VWF: variants seen among roughly 807,000 people sequenced by gnomAD.
The protein encoded by VWF is von Willebrand factor.
Under a neutral mutation model 308.6 loss-of-function variants are expected in VWF, and 176 were observed. That is an observed-to-expected ratio of 0.57 (90% CI 0.50 to 0.65). The LOEUF (loss-of-function observed/expected upper bound fraction) is 0.65, where lower values mean the gene tolerates loss of function less well. Among genes scored for constraint, VWF ranks in the 30% least tolerant of loss-of-function variants. The probability of loss-of-function intolerance (pLI) is 0.00; values close to 1 mark genes in which losing one functional copy is unlikely to be tolerated. For synonymous variants in VWF, 1,385 were observed against 1,443.4 expected (o/e 0.96, Z 0.92); for missense variants, 3,146 against 3,648.2 (o/e 0.86, Z 3.55).
intron 3 of VWF, among the ~76,000 whole-genome samples, chr12:6,114,311 G>C (rs919223621): frequency 1.3e-5 from 2 of 152,196 alleles, no homozygotes; most frequent in East Asian, 1.9e-4. Flanking sequence ...ACAGCTCTTA[G>C]AGGCTTCCAA....
At position 6,052,717 on chromosome 12, in the gene VWF, G is replaced by C. The variant is rs1339589150; in HGVS notation, c.2012C>G (p.Ser671Cys). The change falls in exon 16 of 52, where the codon TCT (serine) becomes TGT (cysteine). Residue 671 changes from serine to cysteine, a missense_variant. Physicochemically the swap from Ser to Cys is moderately radical, Grantham distance 112. This residue lies in a region of VWF where 1,304 missense variants were observed against 1,353.0 expected (regional missense o/e 0.96). Transcript: ENST00000261405. ...GCATTCCTCATCCGGGTAAGAGAGA[G>C]AGCGGCAGGTCAGGTTGCAGGGGGT... ...CGTPCNLTCR[S>C]LSYPDEECNE... is the part of the protein sequence containing the mutation. The C allele has an allele frequency of 5.6e-6, 9 of 1,614,090 alleles. No homozygotes were observed. Among genetic ancestry groups the C allele is most frequent in the South Asian group, 1.1e-5 (1 of 91,090 alleles).
intron 34 of VWF, among the ~76,000 whole-genome samples, chr12:6,001,594 G>C (rs1206895498): frequency 6.6e-6 from 1 of 152,140 alleles, no homozygotes; most frequent in Non-Finnish European, 1.5e-5. Context: ...CATCTTCATA[G>C]AGCAAAAACT....
chr12:6,025,489 T>G (rs1459613146), intron 24 of VWF, 91 bp downstream of exon 24: 33 of 1,004,882 alleles, frequency 3.3e-5, no homozygotes, highest in Non-Finnish European at 5.0e-5. Flanking sequence ...GACACGAGGG[T>G]AGTGTCCACG....
chr12:6,113,807 G>A (rs140601481), intron 3 of VWF, among the ~76,000 whole-genome samples: 2 of 152,224 alleles, frequency 1.3e-5, no homozygotes, highest in Non-Finnish European at 2.9e-5. Context: ...CTGGGCCCAA[G>A]ACCAAATCCC....
intron 35 of VWF, among the ~76,000 whole-genome samples, chr12:5,995,444 C>A (rs1943798020): frequency 6.6e-6 from 1 of 152,120 alleles, no homozygotes; most frequent in African/African-American, 2.4e-5. Flanking sequence ...ATCTAGCTTA[C>A]AAGTTGTTTT....
intron 34 of VWF, among the ~76,000 whole-genome samples, chr12:6,008,047 A>C (rs1200500315): frequency 6.6e-6 from 1 of 152,216 alleles, no homozygotes; most frequent in Non-Finnish European, 1.5e-5. Flanking sequence ...TGAAATTAGT[A>C]ATCATAATCT....
At chr12:6,105,987 A>G (rs1007455811) in intron 5 of VWF, among the ~76,000 whole-genome samples, 2 of 152,162 alleles carry the variant, frequency 1.3e-5, no homozygotes, top group African/African-American at 4.8e-5. Flanking sequence ...AGGTTGCAGT[A>G]AGCCGAGATC....
At chr12:6,039,347 A>G (rs1319388574) in intron 18 of VWF, among the ~76,000 whole-genome samples, 1 of 152,132 alleles carries the variant, frequency 6.6e-6, no homozygotes, top group Admixed American at 6.5e-5. Context: ...TGGTCTTGTT[A>G]CCTTTCTCTG....
chr12:6,110,671 G>A (rs1389269535), intron 4 of VWF, 89 bp from the exon 5 acceptor site: 3 of 1,469,126 alleles, frequency 2.0e-6, no homozygotes, highest in Non-Finnish European at 1.9e-6. Context: ...CCATGTTGTA[G>A]GGTTCAGAAC....
chr12:6,056,488 CG>C (rs1944580100), intron 15 of VWF, among the ~76,000 whole-genome samples: 1 of 152,172 alleles, frequency 6.6e-6, no homozygotes, highest in Non-Finnish European at 1.5e-5. Flanking sequence ...TTAAGGGAGG[CG>C]GAGACCCAGT....
At chr12:5,949,564 A>G in intron 51 of VWF, among the ~76,000 whole-genome samples, 1 of 152,170 alleles carries the variant, frequency 6.6e-6, no homozygotes, top group Non-Finnish European at 1.5e-5. Flanking sequence ...CATTTTCTGT[A>G]AAGGATTTGC....
At chr12:6,092,622 T>TGAGAGTGAGAGAGAGAGAGAGAGAGTGA (rs1403649370) in intron 6 of VWF, among the ~76,000 whole-genome samples, 1 of 91,492 alleles carries the variant, frequency 1.1e-5, no homozygotes, top group African/African-American at 5.3e-5. Context: ...AGTGAGAGTG[T>TGAGAGTGAGAGAGAGAGAGAGAGAGTGA]GTGTGTGTGT....
chr12:6,117,071 G>A (rs1945375456), intron 3 of VWF, among the ~76,000 whole-genome samples: 3 of 151,924 alleles, frequency 2.0e-5, no homozygotes, highest in Admixed American at 2.0e-4. Context: ...ACCAACAAGA[G>A]GCAAAGCAGC....
intron 18 of VWF, among the ~76,000 whole-genome samples, chr12:6,040,259 T>C (rs1351759812): frequency 1.3e-5 from 2 of 152,152 alleles, no homozygotes; most frequent in East Asian, 1.9e-4. Context: ...CAGGCAAGCA[T>C]GGCTCCAAGA....
chr12:5,980,669 C>T (rs980541211), intron 42 of VWF, among the ~76,000 whole-genome samples: 6 of 152,164 alleles, frequency 3.9e-5, no homozygotes, highest in Non-Finnish European at 4.4e-5. Context: ...GACTTGTTCC[C>T]GCTTCTCCAA....
intron 17 of VWF, among the ~76,000 whole-genome samples, chr12:6,045,444 T>C (rs1179162301): frequency 6.6e-6 from 1 of 152,246 alleles, no homozygotes; most frequent in Non-Finnish European, 1.5e-5. Flanking sequence ...TAGAAGATTC[T>C]GAGCAGAAGC....
chr12:5,960,012 AAAAC>A (rs1392290705), intron 47 of VWF, among the ~76,000 whole-genome samples: 4 of 149,244 alleles, frequency 2.7e-5, no homozygotes, highest in African/African-American at 9.7e-5. Context: ...TATAAAAAGT[AAAAC>A]AACAAAGGCA....
At chr12:5,988,379 G>A (rs1272248020) in intron 38 of VWF, among the ~76,000 whole-genome samples, 3 of 152,198 alleles carry the variant, frequency 2.0e-5, no homozygotes, top group African/African-American at 4.8e-5. Context: ...GGCCCAGGGC[G>A]CTGGCCTCGG....
chr12:6,008,963 G>C (rs190587411), intron 34 of VWF, among the ~76,000 whole-genome samples: 3 of 152,066 alleles, frequency 2.0e-5, no homozygotes, highest in Non-Finnish European at 2.9e-5. Context: ...ACACTGATAC[G>C]TAAAACCTGA....
Sources: allele counts gnomAD v4.1 joint callset (sites outside exome capture counted in the v4.1 genomes callset), GRCh38; gene constraint gnomAD v4.1.1; regional missense constraint gnomAD v4.1.1; transcripts MANE v1.5; gene names NCBI Gene and HGNC (gene_info 2026-07-23, HGNC 2026-07-21).